Variants in CHSY3 observed in about 807,000 individuals in gnomAD.
CHSY3 encodes chondroitin sulfate synthase 3.
A neutral mutation model predicts 67.2 loss-of-function variants in CHSY3; 35 were observed. The observed-to-expected ratio is 0.52, with a 90% CI of 0.40 to 0.69. The LOEUF is 0.69. CHSY3 is among the 30% of genes least tolerant of loss of function. The probability of loss-of-function intolerance (pLI) is 0.00; values close to 1 mark genes in which losing one functional copy is unlikely to be tolerated. For missense variants in CHSY3, 1,069 were observed against 1,138.5 expected (o/e 0.94, Z 0.88); for synonymous variants, 474 against 434.7 (o/e 1.09, Z -1.12).
chr5:130,065,745 A>G (rs1765863471), intron 2 of CHSY3, among the ~76,000 whole-genome samples: 1 of 152,126 alleles, frequency 6.6e-6, no homozygotes, highest in South Asian at 2.1e-4. Flanking sequence ...CAATTTGTGA[A>G]TATGCTCCTA....
intron 2 of CHSY3, among the ~76,000 whole-genome samples, chr5:130,011,135 T>C (rs1461252103): frequency 6.6e-6 from 1 of 152,104 alleles, no homozygotes; most frequent in Non-Finnish European, 1.5e-5. Flanking sequence ...GAAGCCAGTA[T>C]CACTATGATA....
intron 2 of CHSY3, among the ~76,000 whole-genome samples, chr5:130,081,664 TC>T (rs1335271868): frequency 6.6e-6 from 1 of 151,954 alleles, no homozygotes; most frequent in African/African-American, 2.4e-5. Context: ...ATAATAAGTC[TC>T]ATGAGATCTG....
chr5:129,950,300 T>C (rs1163216736), intron 2 of CHSY3, among the ~76,000 whole-genome samples: 6 of 152,096 alleles, frequency 3.9e-5, no homozygotes, highest in Admixed American at 3.9e-4. Context: ...AAACCACATA[T>C]GATAAGCCTG....
At chr5:129,972,691 C>G (rs888800371) in intron 2 of CHSY3, among the ~76,000 whole-genome samples, 1 of 151,724 alleles carries the variant, frequency 6.6e-6, no homozygotes, top group African/African-American at 2.4e-5. Context: ...AAGGTTAACT[C>G]CCCCACACCC....
chr5:130,012,971 G>T (rs1204254710), intron 2 of CHSY3, among the ~76,000 whole-genome samples: 4 of 151,878 alleles, frequency 2.6e-5, no homozygotes. Context: ...AAGCAAGTTT[G>T]TTACATCCTA....
chr5:129,934,604 T>C (rs2149590773), intron 2 of CHSY3, among the ~76,000 whole-genome samples: 1 of 152,190 alleles, frequency 6.6e-6, no homozygotes, highest in South Asian at 2.1e-4. Context: ...TTTGAAAAGG[T>C]TAGGAGGAAG....
At chr5:130,178,442 G>C (rs6885583) in intron 2 of CHSY3, among the ~76,000 whole-genome samples, 141,984 of 150,158 alleles carry the variant, frequency 0.95, 67,240 homozygotes, top group East Asian at 1. Context: ...CTAGTAGAGA[G>C]GGGGTTTCAC....
chr5:130,179,290 AAC>A (rs1431141148), intron 2 of CHSY3, among the ~76,000 whole-genome samples: 2 of 152,156 alleles, frequency 1.3e-5, no homozygotes, highest in African/African-American at 2.4e-5. Context: ...TTATTTCAAT[AAC>A]AGTTTCTTAA....
chr5:130,146,482 G>A (rs1169289402), intron 2 of CHSY3, among the ~76,000 whole-genome samples: 1 of 152,046 alleles, frequency 6.6e-6, no homozygotes, highest in Non-Finnish European at 1.5e-5. Context: ...GGAGAGGCTG[G>A]TTAATAGGCA....
intron 1 of CHSY3, chr5:129,906,065 A>G (rs1437649046): frequency 1.1e-5 from 2 of 178,874 alleles, no homozygotes; most frequent in African/African-American, 2.4e-5. Flanking sequence ...GCTAGCTACA[A>G]CTAGTCTGGA....
intron 2 of CHSY3, among the ~76,000 whole-genome samples, chr5:130,093,459 A>T (rs2149694227): frequency 6.6e-6 from 1 of 152,340 alleles, no homozygotes; most frequent in African/African-American, 2.4e-5. Flanking sequence ...TTATATAACC[A>T]GATTTCCCTA....
intron 2 of CHSY3, among the ~76,000 whole-genome samples, chr5:130,181,006 A>G (rs150983912): frequency 1.8e-4 from 27 of 152,270 alleles, no homozygotes; most frequent in Non-Finnish European, 2.6e-4. Context: ...ACCTCTTGGC[A>G]TTTATTCTTC....
intron 2 of CHSY3, among the ~76,000 whole-genome samples, chr5:130,170,925 CTTTTTCTA>C (rs1478255938): frequency 2.0e-5 from 3 of 151,740 alleles, no homozygotes; most frequent in African/African-American, 7.3e-5. Context: ...GATAACTTCC[CTTTTTCTA>C]TTGTTAGTTA....
At chr5:130,168,155 C>A (rs760972945) in intron 2 of CHSY3, among the ~76,000 whole-genome samples, 1 of 152,158 alleles carries the variant, frequency 6.6e-6, no homozygotes, top group Non-Finnish European at 1.5e-5. Flanking sequence ...TGTGCTATTT[C>A]TTGAATGAAA....
intron 2 of CHSY3, among the ~76,000 whole-genome samples, chr5:130,110,329 G>T (rs961022329): frequency 6.6e-6 from 1 of 151,816 alleles, no homozygotes; most frequent in African/African-American, 2.4e-5. Flanking sequence ...TAGATGCAAT[G>T]GTTAGCTAAA....
chr5:130,126,756 T>G (rs1768304952), intron 2 of CHSY3, among the ~76,000 whole-genome samples: 1 of 152,220 alleles, frequency 6.6e-6, no homozygotes, highest in Non-Finnish European at 1.5e-5. Context: ...GACTATATAA[T>G]ATCATATAAA....
intron 2 of CHSY3, among the ~76,000 whole-genome samples, chr5:130,008,106 T>G (rs1561494338): frequency 6.6e-6 from 1 of 152,234 alleles, no homozygotes; most frequent in Non-Finnish European, 1.5e-5. Flanking sequence ...ACCCTGCTGC[T>G]GTACCCCCAC....
chr5:130,005,104 A>G (rs539223303), intron 2 of CHSY3, among the ~76,000 whole-genome samples: 4 of 152,308 alleles, frequency 2.6e-5, no homozygotes, highest in East Asian at 1.9e-4. Flanking sequence ...AAAACCTATT[A>G]TCATTTAGAT....
chr5:130,116,930 T>C (rs1477645551), intron 2 of CHSY3, among the ~76,000 whole-genome samples: 1 of 152,164 alleles, frequency 6.6e-6, no homozygotes, highest in East Asian at 1.9e-4. Context: ...TGTTTAATTA[T>C]TGCCACTTGT....
Sources: allele counts gnomAD v4.1 joint callset (sites outside exome capture counted in the v4.1 genomes callset), GRCh38; gene constraint gnomAD v4.1.1; transcripts MANE v1.5; gene names NCBI Gene and HGNC (gene_info 2026-07-23, HGNC 2026-07-21).